HNF4A: variants seen among roughly 807,000 people sequenced by gnomAD.
HNF4A encodes the protein hepatocyte nuclear factor 4-alpha.
HNF4A carries 15 observed loss-of-function variants against 52.4 expected under a neutral mutation model. The observed-to-expected ratio is 0.29, with a 90% CI of 0.19 to 0.44. The LOEUF (loss-of-function observed/expected upper bound fraction) is 0.44, where lower values mean the gene tolerates loss of function less well. HNF4A is among the 20% of genes least tolerant of loss of function. The pLI is 1.00. For missense variants in HNF4A, 479 were observed against 647.2 expected (o/e 0.74, Z 2.82); for synonymous variants, 280 against 264.4 (o/e 1.06, Z -0.57).
chr20:44,368,163 T>TA (rs1568690780), intron 1 of HNF4A, among the ~76,000 whole-genome samples: 1 of 68,280 alleles, frequency 1.5e-5, no homozygotes, highest in African/African-American at 6.9e-5. Flanking sequence ...TATATATATT[T>TA]TTTTTTTTTT....
chr20:44,367,470 G>C (rs55886102), intron 1 of HNF4A, among the ~76,000 whole-genome samples: 21,995 of 150,914 alleles, frequency 0.15, 2,397 homozygotes, highest in East Asian at 0.42. Context: ...ATGGTGAAAT[G>C]CCGTCTTTAC....
At chr20:44,358,663 TG>T (rs905655204) in intron 1 of HNF4A, among the ~76,000 whole-genome samples, 3 of 152,062 alleles carry the variant, frequency 2.0e-5, no homozygotes, top group African/African-American at 7.2e-5. Context: ...AATCTTCTTC[TG>T]GGGTTCTCTA....
In HNF4A at chr20:44,405,700, A is replaced by G. The variant is rs142030092; in HGVS notation, c.116-358A>G. Among the ~76,000 whole-genome samples, 345 of 152,310 alleles carry G rather than the reference A, an allele frequency of 2.3e-3. 3 individuals carry two copies. In the South Asian group the frequency reaches 0.025, roughly 11 times the overall value. On this transcript the variant is annotated intron_variant, in intron 1 of 9. Transcript: ENST00000316099. ...GAGGGACAGGACCTGGTTCTGGGGA[A>G]AATGCAGGGGAATGTTTCTCCCTTC...
rs1313098495 is a variant in HNF4A at position 44,401,384 on chromosome 20, C to T, written c.12C>T (p.Ser4=). 2 of 1,614,040 alleles carry T rather than the reference C, an allele frequency of 1.2e-6. No homozygotes were observed. The highest frequency in any genetic ancestry group is 1.7e-6 in the Non-Finnish European group (2 of 1,180,032). Reference sequence around the variant, plus strand: ...TGGAGGCAGGGAGAATGCGACTCTCCAAAACCCTCGTCGACATGGACATGG... The same window carrying T: ...TGGAGGCAGGGAGAATGCGACTCTCTAAAACCCTCGTCGACATGGACATGG... Residue 4 remains serine, a synonymous_variant, in exon 1 of 10, where the codon TCC becomes TCT. Coordinates refer to ENST00000316099, the MANE Select transcript of HNF4A (RefSeq NM_000457.6).
rs775721024 is a variant in HNF4A at position 44,385,059 on chromosome 20, C to CTTTTTTTTTTTTTTTTTTTTTTTTTTTT, written c.50-20998_50-20971dup. On this transcript the variant is annotated intron_variant, in intron 1 of 9. Coordinates refer to the HNF4A transcript ENST00000316673. Reference sequence around the variant, plus strand: ...AGTGGTTTCAGCTGAACTCTGTGATCTTTTTTTTTTTTTTTTTTTTTTTTT... The same window carrying CTTTTTTTTTTTTTTTTTTTTTTTTTTTT: ...AGTGGTTTCAGCTGAACTCTGTGATCTTTTTTTTTTTTTTTTTTTTTTTTTTTTTTTTTTTTTTTTTTTTTTTTTTTTT... Among the ~76,000 whole-genome samples the CTTTTTTTTTTTTTTTTTTTTTTTTTTTT allele has an allele frequency of 1.2e-3, 42 of 34,982 alleles. 10 individuals are homozygous for CTTTTTTTTTTTTTTTTTTTTTTTTTTTT. Among genetic ancestry groups the CTTTTTTTTTTTTTTTTTTTTTTTTTTTT allele is most frequent in the East Asian group, 2.3e-3 (1 of 442 alleles). 22.9% of individuals were successfully genotyped at this position (34,982 alleles called of 152,430 possible).
chr20:44,427,431 C>T (rs1387730878), intron 8 of HNF4A, among the ~76,000 whole-genome samples: 2 of 152,200 alleles, frequency 1.3e-5, no homozygotes, highest in African/African-American at 4.8e-5. Flanking sequence ...AAGTGCTATA[C>T]AACAGTACCT....
intron 1 of HNF4A, 47 bp downstream of exon 1, chr20:44,355,900 C>G: frequency 6.5e-7 from 1 of 1,530,006 alleles, no homozygotes; most frequent in Non-Finnish European, 9.0e-7. Flanking sequence ...CTGCGGTCAG[C>G]TTTGGGAGGC....
chr20:44,389,391 A>G (rs1339867043), intron 1 of HNF4A, among the ~76,000 whole-genome samples: 1 of 152,254 alleles, frequency 6.6e-6, no homozygotes, highest in Non-Finnish European at 1.5e-5. Context: ...TGTCAGATGA[A>G]CACCACAGTT....
At chr20:44,363,936 C>T (rs1435071943) in intron 1 of HNF4A, among the ~76,000 whole-genome samples, 1 of 152,072 alleles carries the variant, frequency 6.6e-6, no homozygotes, top group Non-Finnish European at 1.5e-5. Flanking sequence ...GTGATCCTCC[C>T]ACCTCGGCCT....
At chr20:44,361,765 G>A (rs944835810) in intron 1 of HNF4A, among the ~76,000 whole-genome samples, 6 of 152,126 alleles carry the variant, frequency 3.9e-5, no homozygotes. Flanking sequence ...CAGTTTGGCA[G>A]GAGGACAGAC....
chr20:44,379,315 G>C (rs1205609800), intron 1 of HNF4A, among the ~76,000 whole-genome samples: 2 of 151,968 alleles, frequency 1.3e-5, no homozygotes, highest in African/African-American at 4.8e-5. Context: ...ATATACTCGG[G>C]AGTACAATTG....
At chr20:44,429,091 T>C (rs2063845798) in intron 9 of HNF4A, among the ~76,000 whole-genome samples, 1 of 152,238 alleles carries the variant, frequency 6.6e-6, no homozygotes, top group South Asian at 2.1e-4. Flanking sequence ...TAGTTTCTAT[T>C]ACTCATCTCC....
At chr20:44,383,579 C>G (rs1316924637) in intron 1 of HNF4A, among the ~76,000 whole-genome samples, 3 of 145,780 alleles carry the variant, frequency 2.1e-5, no homozygotes, top group Non-Finnish European at 4.5e-5. Flanking sequence ...AATACGGAGT[C>G]TCAACTCTCT....
intron 1 of HNF4A, among the ~76,000 whole-genome samples, chr20:44,368,809 G>A (rs917836521): frequency 3.9e-5 from 6 of 152,176 alleles, no homozygotes; most frequent in Admixed American, 2.6e-4. Flanking sequence ...ATGTGGTTAT[G>A]CAATTTAAAA....
At chr20:44,381,939 G>A (rs958019134) in intron 1 of HNF4A, among the ~76,000 whole-genome samples, 12 of 152,178 alleles carry the variant, frequency 7.9e-5, no homozygotes, top group South Asian at 2.1e-4. Context: ...AGTAAATAAC[G>A]CAACTATATG....
At chr20:44,360,062 C>T (rs77980515) in intron 1 of HNF4A, among the ~76,000 whole-genome samples, 24,628 of 152,164 alleles carry the variant, frequency 0.16, 2,402 homozygotes, top group Middle Eastern at 0.26. Context: ...GTAAGTACCT[C>T]GAATCTCCTT....
At chr20:44,405,491 T>C (rs1228842904) in intron 1 of HNF4A, among the ~76,000 whole-genome samples, 1 of 152,026 alleles carries the variant, frequency 6.6e-6, no homozygotes, top group Non-Finnish European at 1.5e-5. Context: ...CCCCTCACAT[T>C]TGTGTAGATG....
upstream of HNF4A, among the ~76,000 whole-genome samples, chr20:44,396,311 G>A (rs919545678): frequency 1.3e-5 from 2 of 152,202 alleles, no homozygotes; most frequent in Non-Finnish European, 2.9e-5. Context: ...ACCAGGGCTA[G>A]CACAAAATTT....
chr20:44,381,271 A>C (rs1295435953), intron 1 of HNF4A, among the ~76,000 whole-genome samples: 1 of 143,018 alleles, frequency 7.0e-6, no homozygotes, highest in Non-Finnish European at 1.5e-5. Flanking sequence ...TGTAGGAATC[A>C]GTGAGAGCTT....
Sources: allele counts gnomAD v4.1 joint callset (sites outside exome capture counted in the v4.1 genomes callset), GRCh38; gene constraint gnomAD v4.1.1; transcripts MANE v1.5; gene names NCBI Gene and HGNC (gene_info 2026-07-23, HGNC 2026-07-21).